MGAM: variants seen among roughly 807,000 people sequenced by gnomAD.
The protein encoded by MGAM is alpha-1,4-glucosidase.
MGAM carries 253 observed loss-of-function variants against 358.8 expected under a neutral mutation model. The observed-to-expected ratio is 0.71, with a 90% confidence interval of 0.64 to 0.78. The LOEUF (loss-of-function observed/expected upper bound fraction) is 0.78. Among genes scored for constraint, MGAM ranks in the 30% least tolerant of loss-of-function variants. The probability of loss-of-function intolerance (pLI) is 0.00; values close to 1 mark genes in which losing one functional copy is unlikely to be tolerated. For synonymous variants in MGAM, 1,105 were observed against 1,227.1 expected (o/e 0.90, Z 2.08); for missense variants, 3,080 against 3,432.6 (o/e 0.90, Z 2.57).
In MGAM at chr7:142,099,028, C is replaced by T. The variant is rs372405337; in HGVS notation, c.7750-585C>T. On this transcript the variant is annotated intron_variant, in intron 66 of 70. Transcript: ENST00000475668. ...AAATAAAGTTTTATTGGAACACAGC[C>T]ATGCATATTTGTTCGCTTGTTGTCA... Among the ~76,000 whole-genome samples, 82 of 152,276 alleles carry T rather than the reference C, an allele frequency of 5.4e-4. 1 individual carries two copies. Among genetic ancestry groups the T allele is most frequent in the African/African-American group, 1.9e-3 (81 of 41,544 alleles).
At position 142,080,896 on chromosome 7, in the gene MGAM, A is replaced by T; in HGVS notation, c.5953A>T (p.Lys1985Ter). The change falls in exon 50 of 71, where the codon AAG (lysine) becomes TAG (stop). Residue 1985 changes from lysine to a stop codon, truncating the protein, a stop_gained. Coordinates refer to ENST00000475668, the MANE Select transcript of MGAM (RefSeq NM_001365693.1). LOFTEE classifies it high-confidence loss of function. ...TCAACTCTATGATGTCCTCATTAAG[A>T]AGAATCCATTTGGGATTGAAATTCG... The part of the protein sequence containing the change: ...EGQLYDVLIK[K>*]NPFGIEIRRK... 3 of 1,556,532 alleles carry T rather than the reference A, an allele frequency of 1.9e-6. 1 individual carries two copies. The South Asian group carries it at 3.4e-5, about 17-fold the overall frequency.
intron 34 of MGAM, among the ~76,000 whole-genome samples, chr7:142,062,040 A>C (rs1472149030): frequency 6.6e-6 from 1 of 152,230 alleles, no homozygotes; most frequent in African/African-American, 2.4e-5. Context: ...AATTTATGTT[A>C]CACACAGCTG....
chr7:142,030,972 C>T (rs370833271), intron 12 of MGAM, among the ~76,000 whole-genome samples: 1 of 152,070 alleles, frequency 6.6e-6, no homozygotes, highest in East Asian at 1.9e-4. Flanking sequence ...AAGTAAGTCC[C>T]TTTAAACAAC....
At chr7:142,010,862 A>G (rs1805541143) in intron 3 of MGAM, among the ~76,000 whole-genome samples, 1 of 152,160 alleles carries the variant, frequency 6.6e-6, no homozygotes, top group Non-Finnish European at 1.5e-5. Flanking sequence ...TTTGAATTCT[A>G]AAATCCTTTC....
At chr7:142,019,134 C>A in intron 3 of MGAM, 65 bp from the exon 4 acceptor site, 1 of 1,520,702 alleles carries the variant, frequency 6.6e-7, no homozygotes, top group Non-Finnish European at 8.9e-7. Context: ...TTAGATGTTT[C>A]GTGCTTTATA....
At chr7:142,088,778 TA>T (rs879561008) in intron 57 of MGAM, among the ~76,000 whole-genome samples, 1,577 of 134,310 alleles carry the variant, frequency 0.012, 197 homozygotes, top group Non-Finnish European at 0.02. Flanking sequence ...TCTATCTATC[TA>T]TCTATCTATC....
At chr7:142,031,448 TC>T (rs1807483198) in intron 12 of MGAM, among the ~76,000 whole-genome samples, 1 of 152,202 alleles carries the variant, frequency 6.6e-6, no homozygotes, top group South Asian at 2.1e-4. Flanking sequence ...AATGCCTTTA[TC>T]CACGAATTTA....
intron 70 of MGAM, among the ~76,000 whole-genome samples, chr7:142,104,474 G>A (rs1250832949): frequency 6.6e-6 from 1 of 152,164 alleles, no homozygotes; most frequent in Non-Finnish European, 1.5e-5. Context: ...CCTCTGTACT[G>A]CAAAAGGTGT....
intron 1 of MGAM, among the ~76,000 whole-genome samples, chr7:142,003,530 C>T (rs143956778): frequency 1.2e-3 from 177 of 152,020 alleles, no homozygotes; most frequent in African/African-American, 3.5e-3. Flanking sequence ...AAATCTCTCA[C>T]CATGTACAAA....
rs1045720609 is a variant in MGAM, at chr7:142,085,047, C to T, written c.6507+403C>T. On this transcript the variant is annotated intron_variant, in intron 54 of 70. Coordinates refer to ENST00000475668, the MANE Select transcript of MGAM (RefSeq NM_001365693.1). The stretch of plus-strand genomic sequence containing the variant: ...CATCAGACCATTGTATATGTGGATA[C>T]GACCTCAGTTCCCGCAGCCCTGGTG... Among the ~76,000 whole-genome samples, 7 of 146,652 alleles carry T rather than the reference C, an allele frequency of 4.8e-5. 1 individual carries two copies. Among genetic ancestry groups the T allele is most frequent in the South Asian group, 4.3e-4 (2 of 4,612 alleles).
chr7:141,991,088 G>C (rs1264922546), upstream of MGAM, among the ~76,000 whole-genome samples: 2 of 152,202 alleles, frequency 1.3e-5, no homozygotes, highest in Non-Finnish European at 2.9e-5. Context: ...CATGACCTGG[G>C]GCAAGTCGCC....
rs187969862 is a variant in MGAM, at chr7:142,084,228, G to A, written c.6382-291G>A. Among the ~76,000 whole-genome samples, 13 of 146,044 alleles carry A rather than the reference G, an allele frequency of 8.9e-5. 1 individual carries two copies. Among genetic ancestry groups the A allele is most frequent in the Admixed American group, 4.8e-4 (7 of 14,502 alleles). Reference sequence around the variant, plus strand: ...CTCACAGCTAGCAGGACTGGAGCCTGTATCTAAGCCAGGCATTTTGCCTCT... The same window carrying A: ...CTCACAGCTAGCAGGACTGGAGCCTATATCTAAGCCAGGCATTTTGCCTCT... On this transcript the variant is annotated intron_variant, in intron 53 of 70. Transcript: ENST00000475668.
chr7:142,076,590 A>G (rs1378904079), intron 46 of MGAM, 69 bp from the exon 47 acceptor site: 8 of 1,300,992 alleles, frequency 6.1e-6, no homozygotes, highest in African/African-American at 2.8e-5. Flanking sequence ...AATAGAATAT[A>G]TGAGTGACTT....
intron 21 of MGAM, among the ~76,000 whole-genome samples, chr7:142,043,766 T>C (rs1422192987): frequency 3.7e-5 from 3 of 81,440 alleles, no homozygotes; most frequent in African/African-American, 1.1e-4. Context: ...ACATATAATA[T>C]ATACATTATA....
intron 30 of MGAM, 80 bp downstream of exon 30, chr7:142,057,022 C>G: frequency 7.8e-7 from 1 of 1,281,262 alleles, no homozygotes; most frequent in Middle Eastern, 1.9e-4. Context: ...TAGTATAACT[C>G]TCAGTTGACA....
intron 21 of MGAM, among the ~76,000 whole-genome samples, chr7:142,046,195 G>C (rs1431937482): frequency 1.4e-5 from 2 of 146,618 alleles, no homozygotes. Flanking sequence ...CTCCTTAGAT[G>C]ATTTTGTCTT....
chr7:142,097,829 C>T (rs983944144), intron 66 of MGAM, among the ~76,000 whole-genome samples, 180 bp downstream of exon 66: 2 of 152,036 alleles, frequency 1.3e-5, no homozygotes, highest in Admixed American at 6.5e-5. Context: ...AAGACCACTT[C>T]CCTCATAGAA....
chr7:142,085,815 C>A lies in MGAM; in HGVS notation c.6508-18C>A. 7 of 1,561,790 alleles carry A rather than the reference C, an allele frequency of 4.5e-6. No homozygotes were observed. Among genetic ancestry groups the A allele is most frequent in the Non-Finnish European group, 6.1e-6 (7 of 1,138,784 alleles). On this transcript the variant is annotated intron_variant, in intron 54 of 70. Transcript: ENST00000475668. ...CGTGTACAGCAGCAGCCTCTCAGCTCCCCATGTCCTCCCGCAGGACGTGCA... is the reference window on the plus strand; with the variant it reads ...CGTGTACAGCAGCAGCCTCTCAGCTACCCATGTCCTCCCGCAGGACGTGCA...
chr7:142,105,435 C>G (rs921885195), intron 70 of MGAM, among the ~76,000 whole-genome samples: 2 of 152,042 alleles, frequency 1.3e-5, no homozygotes, highest in Admixed American at 6.6e-5. Flanking sequence ...TTACAGGCAC[C>G]TGCCACCACG....
Sources: gnomAD v4.1 joint callset for allele counts (sites outside exome capture counted in the v4.1 genomes callset) on GRCh38, gnomAD v4.1.1 for gene constraint, MANE v1.5 for transcripts, NCBI Gene and HGNC (gene_info 2026-07-23, HGNC 2026-07-21) for gene names.